Variants in EXOC6B observed in about 807,000 individuals in gnomAD.
EXOC6B encodes the protein SEC15 homolog B.
EXOC6B carries 54 observed loss-of-function variants against 113.5 expected under a neutral mutation model. The observed-to-expected ratio is 0.48, with a 90% CI of 0.38 to 0.60. The LOEUF is 0.60. Among genes scored for constraint, EXOC6B ranks in the 20% least tolerant of loss-of-function variants. EXOC6B has a pLI of 0.00. For missense variants in EXOC6B, 797 were observed against 977.5 expected (o/e 0.82, Z 2.46); for synonymous variants, 357 against 339.0 (o/e 1.05, Z -0.58).
At position 72,480,674 on chromosome 2, in the gene EXOC6B, G is replaced by T; in HGVS notation, c.1742C>A (p.Thr581Asn). 6.3e-7 allele frequency: 1 copy of T among 1,591,772 alleles called. No homozygotes were observed. The highest frequency in any genetic ancestry group is 1.1e-5 in the South Asian group (1 of 87,340). Residue 581 changes from threonine (T) to asparagine (N), a missense_variant, in exon 17 of 22, where the codon ACT becomes AAT. Transcript: ENST00000272427. ...GTGAACTGTCTCTGGAAGCACATTA[G>T]TGATGTTGGTGATAAATTCTTCCAA... ...KYLEEFITNITNVLPETVHTT... is the reference protein window; with the variant it reads ...KYLEEFITNINNVLPETVHTT...
chr2:72,190,264 C>G (rs1678743095), intron 20 of EXOC6B, among the ~76,000 whole-genome samples: 1 of 152,156 alleles, frequency 6.6e-6, no homozygotes, highest in East Asian at 1.9e-4. Context: ...TCTGGAACTC[C>G]TGGGCTCCAG....
intron 8 of EXOC6B, among the ~76,000 whole-genome samples, chr2:72,526,646 A>G (rs1432757315): frequency 6.6e-6 from 1 of 151,954 alleles, no homozygotes; most frequent in African/African-American, 2.4e-5. Flanking sequence ...GAAACTGACC[A>G]ATTTAGAATC....
chr2:72,598,074 C>A (rs1251773276), intron 6 of EXOC6B, among the ~76,000 whole-genome samples: 5 of 151,908 alleles, frequency 3.3e-5, no homozygotes, highest in African/African-American at 4.8e-5. Context: ...AACTGAACAA[C>A]TGGATCTACT....
intron 1 of EXOC6B, among the ~76,000 whole-genome samples, chr2:72,807,510 T>C (rs1685643928): frequency 6.6e-6 from 1 of 152,200 alleles, no homozygotes; most frequent in African/African-American, 2.4e-5. Flanking sequence ...TCAGGCTCCT[T>C]TTTGGTTCCA....
At chr2:72,432,764 T>A in intron 18 of EXOC6B, among the ~76,000 whole-genome samples, 1 of 152,192 alleles carries the variant, frequency 6.6e-6, no homozygotes, top group Middle Eastern at 3.2e-3. Context: ...CACATTTTGA[T>A]GGGGTTGTTT....
At chr2:72,711,035 A>G (rs146611203) in intron 6 of EXOC6B, among the ~76,000 whole-genome samples, 6 of 152,360 alleles carry the variant, frequency 3.9e-5, no homozygotes, top group African/African-American at 1.4e-4. Flanking sequence ...AATGTTATTT[A>G]GTCCCACAAA....
chr2:72,615,166 T>C (rs1671308255), intron 6 of EXOC6B, among the ~76,000 whole-genome samples: 1 of 152,142 alleles, frequency 6.6e-6, no homozygotes, highest in Non-Finnish European at 1.5e-5. Flanking sequence ...GACCATCTAA[T>C]ATTAAGATTC....
intron 6 of EXOC6B, among the ~76,000 whole-genome samples, chr2:72,715,220 C>T (rs1254324630): frequency 6.6e-6 from 1 of 151,688 alleles, no homozygotes; most frequent in East Asian, 1.9e-4. Flanking sequence ...AGTGAGACTC[C>T]GTCTAAAAAA....
At chr2:72,662,961 T>C (rs1210798351) in intron 6 of EXOC6B, among the ~76,000 whole-genome samples, 1 of 152,072 alleles carries the variant, frequency 6.6e-6, no homozygotes, top group Non-Finnish European at 1.5e-5. Flanking sequence ...CCTTGTGATC[T>C]GCCCACCTCA....
intron 20 of EXOC6B, among the ~76,000 whole-genome samples, chr2:72,216,473 C>A (rs1366666405): frequency 1.3e-5 from 2 of 152,150 alleles, no homozygotes; most frequent in Non-Finnish European, 2.9e-5. Flanking sequence ...ATTAGTTCAA[C>A]CATTGTGGAA....
At chr2:72,407,664 GC>G (rs1558638449) in intron 18 of EXOC6B, among the ~76,000 whole-genome samples, 2 of 152,076 alleles carry the variant, frequency 1.3e-5, no homozygotes, top group African/African-American at 4.8e-5. Flanking sequence ...AAATTCAACA[GC>G]CCTTCATGCT....
chr2:72,450,921 G>C (rs576589769), intron 18 of EXOC6B, among the ~76,000 whole-genome samples: 2 of 152,166 alleles, frequency 1.3e-5, no homozygotes, highest in East Asian at 3.9e-4. Flanking sequence ...CCACCAGGAA[G>C]GTAAAAAGAT....
chr2:72,401,609 A>ATGTG lies in EXOC6B; in HGVS notation c.1981-21740_1981-21739insCACA, dbSNP rs1693284651. ...TATATATATATATATATATGTGTATATATATATATATACATATATATATAT... is the reference window on the plus strand; with the variant it reads ...TATATATATATATATATATGTGTATATGTGTATATATATATACATATATATATAT... On this transcript the variant is annotated intron_variant, in intron 18 of 21. Transcript: ENST00000272427. Among the ~76,000 whole-genome samples, 6 of 46,596 alleles carry ATGTG rather than the reference A, an allele frequency of 1.3e-4. No homozygotes were observed. The South Asian group carries it at 1.3e-3, about 10-fold the overall frequency. The allele number at this position is 46,596 out of a possible 152,430, so 30.6% of individuals were successfully genotyped here. A position where few individuals can be genotyped will look rare whatever the true frequency, so the allele number is the denominator to read the frequency against.
At chr2:72,582,131 T>C (rs1277188852) in intron 6 of EXOC6B, among the ~76,000 whole-genome samples, 1 of 152,064 alleles carries the variant, frequency 6.6e-6, no homozygotes, top group African/African-American at 2.4e-5. Context: ...TCTCGGTAGT[T>C]ATAGGCCTTA....
chr2:72,402,271 T>A (rs1458950815), intron 18 of EXOC6B, among the ~76,000 whole-genome samples: 1 of 152,192 alleles, frequency 6.6e-6, no homozygotes, highest in East Asian at 1.9e-4. Context: ...ATCTAGGTTA[T>A]CTTTACATAG....
intron 2 of EXOC6B, among the ~76,000 whole-genome samples, chr2:72,738,069 CT>C (rs2104801238): frequency 6.6e-6 from 1 of 152,102 alleles, no homozygotes; most frequent in South Asian, 2.1e-4. Context: ...AACACTCTAG[CT>C]TATTCTTAGG....
chr2:72,453,763 TA>T (rs1236112315), intron 18 of EXOC6B, among the ~76,000 whole-genome samples: 2 of 152,220 alleles, frequency 1.3e-5, no homozygotes, highest in Non-Finnish European at 2.9e-5. Flanking sequence ...CCCACAACTT[TA>T]GCATCAATAA....
At chr2:72,219,929 G>A (rs189531044) in intron 20 of EXOC6B, among the ~76,000 whole-genome samples, 66 of 152,226 alleles carry the variant, frequency 4.3e-4, no homozygotes, top group Non-Finnish European at 7.8e-4. Context: ...TTGAAGACGG[G>A]TCCATGTACC....
At chr2:72,551,120 C>A (rs1703197128) in intron 8 of EXOC6B, among the ~76,000 whole-genome samples, 1 of 152,088 alleles carries the variant, frequency 6.6e-6, no homozygotes, top group Non-Finnish European at 1.5e-5. Flanking sequence ...AGCCTAACAA[C>A]ATACAACTAG....
Sources: allele counts gnomAD v4.1 joint callset (sites outside exome capture counted in the v4.1 genomes callset), GRCh38; gene constraint gnomAD v4.1.1; transcripts MANE v1.5; gene names NCBI Gene and HGNC (gene_info 2026-07-23, HGNC 2026-07-21).